FTCDNL1: variants seen among roughly 807,000 people sequenced by gnomAD.
The protein encoded by FTCDNL1 is formiminotransferase cyclodeaminase N-terminal like.
FTCDNL1 carries 11 observed loss-of-function variants against 5.9 expected under a neutral mutation model. The observed-to-expected ratio is 1.87, with a 90% CI of 1.18 to 3.10. The LOEUF (loss-of-function observed/expected upper bound fraction) is 3.10. Among genes scored for constraint, FTCDNL1 ranks in the 30% most tolerant of loss-of-function variants. The pLI, the probability that FTCDNL1 is intolerant of heterozygous loss-of-function variation, is 0.00. For missense variants in FTCDNL1, 115 were observed against 65.5 expected (o/e 1.76, Z -2.61); for synonymous variants, 58 against 24.8 (o/e 2.34, Z -3.99).
intron 3 of FTCDNL1, among the ~76,000 whole-genome samples, chr2:199,775,945 G>A (rs911221666): frequency 7.2e-6 from 1 of 138,978 alleles, no homozygotes; most frequent in African/African-American, 2.7e-5. Flanking sequence ...ACGGAGTCTC[G>A]CTCTGTTGCC....
chr2:199,665,287 G>C, the FTCDNL1 span, among the ~76,000 whole-genome samples: 17,991 of 152,030 alleles, frequency 0.12, 1,478 homozygotes, highest in Middle Eastern at 0.25. Flanking sequence ...GTTTCTTCAG[G>C]TAGGCAAAAA....
At chr2:199,815,903 G>C (rs1189749083) in intron 4 of FTCDNL1, among the ~76,000 whole-genome samples, 1 of 152,038 alleles carries the variant, frequency 6.6e-6, no homozygotes, top group Non-Finnish European at 1.5e-5. Flanking sequence ...GGGAGGCTGA[G>C]GCAGGGGAAT....
At chr2:199,713,936 C>A in the FTCDNL1 span, among the ~76,000 whole-genome samples, 2 of 152,090 alleles carry the variant, frequency 1.3e-5, no homozygotes, top group South Asian at 2.1e-4. Context: ...GAAACCAAAA[C>A]CTAATGGCAA....
chr2:199,708,216 A>C, the FTCDNL1 span, among the ~76,000 whole-genome samples: 20 of 152,216 alleles, frequency 1.3e-4, no homozygotes, highest in African/African-American at 4.8e-4. Context: ...CAATAATGCC[A>C]TCCAGAGAAT....
At chr2:199,833,477 T>C (rs1003631727) in intron 3 of FTCDNL1, among the ~76,000 whole-genome samples, 7 of 152,304 alleles carry the variant, frequency 4.6e-5, no homozygotes, top group Non-Finnish European at 8.8e-5. Flanking sequence ...TCAGAGAAGC[T>C]ATAGAGATGC....
chr2:199,837,116 T>C (rs544664164), intron 3 of FTCDNL1, among the ~76,000 whole-genome samples: 3 of 152,220 alleles, frequency 2.0e-5, no homozygotes, highest in Non-Finnish European at 4.4e-5. Context: ...CATTAGTACC[T>C]CTGTTTTACA....
intron 3 of FTCDNL1, among the ~76,000 whole-genome samples, chr2:199,764,922 T>A (rs1698441803): frequency 6.6e-6 from 1 of 152,156 alleles, no homozygotes; most frequent in Non-Finnish European, 1.5e-5. Flanking sequence ...TGTGAAGCTT[T>A]CTCAAGTCAT....
the FTCDNL1 span, among the ~76,000 whole-genome samples, chr2:199,682,407 T>C: frequency 7.9e-5 from 12 of 152,338 alleles, no homozygotes; most frequent in Admixed American, 3.9e-4. Context: ...TCTATGTTTA[T>C]ATACATCCTA....
At chr2:199,664,500 CA>C in the FTCDNL1 span, among the ~76,000 whole-genome samples, 4 of 152,080 alleles carry the variant, frequency 2.6e-5, no homozygotes, top group South Asian at 6.2e-4. Flanking sequence ...TATCCAGAAC[CA>C]AAAGTCTAAT....
chr2:199,691,727 G>C, the FTCDNL1 span, among the ~76,000 whole-genome samples: 1 of 152,028 alleles, frequency 6.6e-6, no homozygotes. Context: ...TATAACTACG[G>C]TCAATCATTA....
intron 3 of FTCDNL1, among the ~76,000 whole-genome samples, chr2:199,792,903 T>C (rs1559191789): frequency 6.6e-6 from 1 of 152,192 alleles, no homozygotes; most frequent in African/African-American, 2.4e-5. Context: ...CAATACTGGT[T>C]AAATTAAGGA....
At chr2:199,712,277 A>G in the FTCDNL1 span, among the ~76,000 whole-genome samples, 1 of 152,194 alleles carries the variant, frequency 6.6e-6, no homozygotes, top group African/African-American at 2.4e-5. Context: ...ATTTTTTCAG[A>G]ACTGTCAGCT....
the FTCDNL1 span, among the ~76,000 whole-genome samples, chr2:199,700,682 T>C: frequency 2.6e-5 from 4 of 152,092 alleles, no homozygotes; most frequent in Non-Finnish European, 4.4e-5. Flanking sequence ...CAGCATGGTA[T>C]TGATACAAAA....
chr2:199,847,712 T>C (rs2076767935), intron 2 of FTCDNL1, among the ~76,000 whole-genome samples: 1 of 152,194 alleles, frequency 6.6e-6, no homozygotes, highest in Non-Finnish European at 1.5e-5. Context: ...TCCATCAGTG[T>C]GTGTCTTCCA....
chr2:199,704,483 G>A, the FTCDNL1 span, among the ~76,000 whole-genome samples: 1 of 152,082 alleles, frequency 6.6e-6, no homozygotes, highest in Non-Finnish European at 1.5e-5. Flanking sequence ...GTCACAGAAA[G>A]AGAAAGTCCT....
At chr2:199,668,800 G>A in the FTCDNL1 span, among the ~76,000 whole-genome samples, 1 of 152,118 alleles carries the variant, frequency 6.6e-6, no homozygotes, top group Non-Finnish European at 1.5e-5. Context: ...AGAGTAGAGA[G>A]AAACAGCTGT....
At chr2:199,844,624 C>A (rs1187921550) in intron 3 of FTCDNL1, 17 of 420,884 alleles carry the variant, frequency 4.0e-5, no homozygotes, top group South Asian at 3.4e-4. Flanking sequence ...AGTTGTTTTT[C>A]TTCTGTAATC....
the FTCDNL1 span, among the ~76,000 whole-genome samples, chr2:199,723,834 C>T: frequency 2.0e-5 from 3 of 152,040 alleles, no homozygotes; most frequent in Non-Finnish European, 2.9e-5. Flanking sequence ...GGGATATTGG[C>T]GTGAAGTTTT....
intron 3 of FTCDNL1, among the ~76,000 whole-genome samples, chr2:199,822,699 C>T (rs1303192691): frequency 6.6e-6 from 1 of 152,234 alleles, no homozygotes; most frequent in East Asian, 1.9e-4. Flanking sequence ...TCTGATGCTG[C>T]TTTATCAATT....
Sources: gnomAD v4.1 joint callset for allele counts (sites outside exome capture counted in the v4.1 genomes callset) on GRCh38, gnomAD v4.1.1 for gene constraint, MANE v1.5 for transcripts, NCBI Gene and HGNC (gene_info 2026-07-23, HGNC 2026-07-21) for gene names.